The following ENY2 variants were observed in gnomAD, a reference collection of about 807,000 sequenced individuals.
ENY2 encodes the protein transcription and mRNA export factor ENY2.
A neutral mutation model predicts 15.9 loss-of-function variants in ENY2; 4 were observed. The observed-to-expected ratio is 0.25, with a 90% CI of 0.12 to 0.57. ENY2 has a LOEUF of 0.57. Ranked by LOEUF, ENY2 falls within the 20% of genes least tolerant of loss-of-function variation. ENY2 has a pLI of 0.91. For missense variants in ENY2, 54 were observed against 117.2 expected (o/e 0.46, Z 2.49); for synonymous variants, 48 against 38.0 (o/e 1.26, Z -0.97).
intron 1 of ENY2, chr8:109,334,828 A>C: frequency 2.7e-6 from 1 of 365,630 alleles, no homozygotes. Context: ...CAAGTTCAAT[A>C]TTCCAGGAGT....
chr8:109,341,712 T>G (rs758331709), intron 4 of ENY2, among the ~76,000 whole-genome samples: 4 of 152,194 alleles, frequency 2.6e-5, no homozygotes, highest in Non-Finnish European at 5.9e-5. Flanking sequence ...GTTCTTAGTC[T>G]TCTTACTGTT....
intron 4 of ENY2, among the ~76,000 whole-genome samples, chr8:109,342,392 G>A (rs1012485816): frequency 6.6e-6 from 1 of 150,648 alleles, no homozygotes; most frequent in Non-Finnish European, 1.5e-5. Flanking sequence ...GTTGCCAACA[G>A]TGTGTATGTA....
Position 109,334,476 on chromosome 8 carries a change from T to C in ENY2, c.6+2T>C. On this transcript the variant is annotated splice_donor_variant, in intron 1 of 4. Coordinates refer to ENST00000521688, the MANE Select transcript of ENY2 (RefSeq NM_020189.6). LOFTEE classifies it high-confidence loss of function. ...CGGCCCTCGCCCGCGGTGATGGTGG[T>C]GAGCTATGCCCGTGGTCCTCAGGGC... is the stretch of plus-strand genomic sequence containing the variant. 6.2e-7 allele frequency: 1 copy of C among 1,613,632 alleles called. No homozygotes were observed. Among genetic ancestry groups the C allele is most frequent in the Non-Finnish European group, 8.5e-7 (1 of 1,179,874 alleles).
In ENY2 at chr8:109,343,413, C is replaced by T; in HGVS notation, c.238C>T (p.Pro80Ser). ...TTATTTTTGTTTTTCAGCCCTGGTA[C>T]CTGACAGTGTAAAGAAGGAGCTCCT... ...EITPKGRALV[P>S]DSVKKELLQR... The change falls in exon 5 of 5, where the codon CCT becomes TCT. Residue 80 changes from proline to serine, a missense_variant. Transcript: ENST00000521688. 6.2e-7 allele frequency: 1 copy of T among 1,609,822 alleles called. No homozygotes were observed. The highest frequency in any genetic ancestry group is 8.5e-7 in the Non-Finnish European group (1 of 1,178,468).
chr8:109,334,352 C>G lies in ENY2; in HGVS notation c.-117C>G, dbSNP rs1815900671. 6.8e-7 allele frequency: 1 copy of G among 1,478,340 alleles called. No individual in the cohort carries two copies. The highest frequency in any genetic ancestry group is 1.2e-5 in the South Asian group (1 of 85,178). The allele number at this position is 1,478,340 out of a possible 1,614,324, so 91.6% of individuals were successfully genotyped here. ...AATGCGTGTTCTAGCTTTCTGTGTGCTTAGGTGCCCGAGCTACTGAGGGTC... is the reference window on the plus strand; with the variant it reads ...AATGCGTGTTCTAGCTTTCTGTGTGGTTAGGTGCCCGAGCTACTGAGGGTC... On this transcript the variant is annotated 5_prime_UTR_variant, in exon 1 of 5. Coordinates refer to ENST00000521688, the MANE Select transcript of ENY2 (RefSeq NM_020189.6).
At chr8:109,334,564 G>C (rs1815910553) in intron 1 of ENY2, 90 bp downstream of exon 1, 2 of 1,465,344 alleles carry the variant, frequency 1.4e-6, no homozygotes, top group Non-Finnish European at 1.8e-6. Context: ...TCCCCGACCC[G>C]CGCTCGCGGG....
chr8:109,334,677 C>G (rs995938935), intron 1 of ENY2: 3 of 595,934 alleles, frequency 5.0e-6, no homozygotes, highest in Non-Finnish European at 8.6e-6. Context: ...CTGTCTCCGC[C>G]CTGTTCTATT....
At chr8:109,340,370 C>G in intron 3 of ENY2, 119 bp from the exon 4 acceptor site, 1 of 1,442,088 alleles carries the variant, frequency 6.9e-7, no homozygotes, top group Non-Finnish European at 9.4e-7. Flanking sequence ...TTTCAGTGTC[C>G]TTTTTTTAAA....
intron 2 of ENY2, 67 bp from the exon 3 acceptor site, chr8:109,339,253 T>G: frequency 6.8e-7 from 1 of 1,465,656 alleles, no homozygotes; most frequent in South Asian, 1.2e-5. Flanking sequence ...CACTGAAACT[T>G]TGCTTCATAC....
At chr8:109,336,506 A>T in intron 2 of ENY2, 1 of 239,358 alleles carries the variant, frequency 4.2e-6, no homozygotes. Flanking sequence ...TAACAGGGAG[A>T]CAATGTTGTG....
chr8:109,340,599 G>A, intron 4 of ENY2, 36 bp downstream of exon 4: 1 of 1,603,090 alleles, frequency 6.2e-7, no homozygotes, highest in South Asian at 1.1e-5. Context: ...GAAACATGCT[G>A]CAGACATGAT....
intron 4 of ENY2, 95 bp downstream of exon 4, chr8:109,340,658 A>G: frequency 6.6e-7 from 1 of 1,507,012 alleles, no homozygotes. Flanking sequence ...TTTTTAAGGA[A>G]AAGCACTACC....
intron 1 of ENY2, chr8:109,335,537 A>G (rs1815954201): frequency 6.6e-6 from 1 of 151,664 alleles, no homozygotes; most frequent in Admixed American, 6.6e-5. Flanking sequence ...TTATTTTTCT[A>G]TTTTTAGTAG....
chr8:109,342,926 T>C (rs1816155124), intron 4 of ENY2: 2 of 493,812 alleles, frequency 4.1e-6, no homozygotes, highest in Admixed American at 8.1e-5. Context: ...AAACTCTCCT[T>C]TTCTTCATCT....
chr8:109,336,370 T>C (rs1586325268), intron 2 of ENY2, 166 bp downstream of exon 2: 1 of 628,876 alleles, frequency 1.6e-6, no homozygotes, highest in East Asian at 2.9e-5. Flanking sequence ...TGTTAAGTAT[T>C]GCAGGACTTG....
intron 4 of ENY2, among the ~76,000 whole-genome samples, chr8:109,341,745 A>C (rs550291185): frequency 6.6e-6 from 1 of 152,258 alleles, no homozygotes; most frequent in African/African-American, 2.4e-5. Flanking sequence ...CATACTTTTT[A>C]ACACAGTAAA....
intron 4 of ENY2, chr8:109,342,918 ACT>A: frequency 8.3e-6 from 4 of 481,530 alleles, no homozygotes; most frequent in Non-Finnish European, 1.5e-5. Flanking sequence ...ATGTTCAAAA[ACT>A]CTCCTTTTCT....
At chr8:109,337,686 A>G (rs566969817) in intron 2 of ENY2, among the ~76,000 whole-genome samples, 93 of 152,202 alleles carry the variant, frequency 6.1e-4, no homozygotes, top group African/African-American at 2.1e-3. Flanking sequence ...GGCAGATCAC[A>G]AGGTCAGGAG....
Position 109,343,533 on chromosome 8 carries a change from C to A in ENY2, c.*52C>A. ...TTTTATTTCTGAAAGTAAAACTTGC[C>A]ATAAATTAGAAAACAATTTCCCAAA... On this transcript the variant is annotated 3_prime_UTR_variant, in exon 5 of 5. Transcript: ENST00000521688. 1 of 1,513,188 alleles carries A rather than the reference C, an allele frequency of 6.6e-7. No homozygotes were observed. The highest frequency in any genetic ancestry group is 9.0e-7 in the Non-Finnish European group (1 of 1,108,484). 93.7% of individuals were successfully genotyped at this position (1,513,188 alleles called of 1,614,324 possible).
Sources: gnomAD v4.1 joint callset for allele counts (sites outside exome capture counted in the v4.1 genomes callset) on GRCh38, gnomAD v4.1.1 for gene constraint, MANE v1.5 for transcripts, NCBI Gene and HGNC (gene_info 2026-07-23, HGNC 2026-07-21) for gene names.